Variants in PIK3AP1 observed in about 807,000 individuals in gnomAD.
The protein encoded by PIK3AP1 is phosphoinositide 3-kinase adapter protein 1.
In PIK3AP1, 21 loss-of-function variants were observed where a neutral mutation model predicts 88.1. The ratio of observed to expected loss-of-function variants is 0.24; its 90% CI spans 0.17 to 0.34. The LOEUF (loss-of-function observed/expected upper bound fraction) is 0.34, where lower values mean the gene tolerates loss of function less well. Among genes scored for constraint, PIK3AP1 ranks in the 10% least tolerant of loss-of-function variants. The pLI, the probability that PIK3AP1 is intolerant of heterozygous loss-of-function variation, is 1.00. For missense variants in PIK3AP1, 828 were observed against 1,035.7 expected (o/e 0.80, Z 2.75); for synonymous variants, 398 against 400.0 (o/e 1.00, Z 0.06).
intron 3 of PIK3AP1, among the ~76,000 whole-genome samples, chr10:96,654,114 C>A (rs1204831792): frequency 1.3e-5 from 2 of 152,162 alleles, no homozygotes; most frequent in Non-Finnish European, 2.9e-5. Context: ...GCTCTTCATG[C>A]AGTCCTGGAT....
In PIK3AP1 at chr10:96,720,260, A is replaced by G. The variant is rs914282350; in HGVS notation, c.13+122T>C. 1 of 1,009,378 alleles carries G rather than the reference A, an allele frequency of 9.9e-7. No homozygotes were observed. Among genetic ancestry groups the G allele is most frequent in the Non-Finnish European group, 1.3e-6 (1 of 782,120 alleles). The allele number at this position is 1,009,378 out of a possible 1,614,324, so 62.5% of individuals were successfully genotyped here. ...GACAGGGAACATAGAAAAGAGCAGA[A>G]AGAGGGCAAGATCCCCGCACAGAGG... is the stretch of plus-strand genomic sequence containing the variant. On this transcript the variant is annotated intron_variant, in intron 1 of 16. Transcript: ENST00000339364. This position sits in a 1 kb window ranked among gnomAD's most constrained non-coding sequence, Gnocchi z 4.6.
intron 8 of PIK3AP1, among the ~76,000 whole-genome samples, chr10:96,629,712 T>C (rs1383216256): frequency 2.5e-4 from 1 of 3,970 alleles, no homozygotes; most frequent in Admixed American, 2.9e-3. Flanking sequence ...ACCCCATCTC[T>C]ACAAAAAAAA....
intron 16 of PIK3AP1, among the ~76,000 whole-genome samples, chr10:96,597,301 T>G (rs1848780318): frequency 7.6e-6 from 1 of 131,770 alleles, no homozygotes. Flanking sequence ...CTTCCTTCCT[T>G]CCTTCCTTCC....
chr10:96,705,203 T>C (rs946536374), intron 2 of PIK3AP1, among the ~76,000 whole-genome samples: 6 of 152,200 alleles, frequency 3.9e-5, no homozygotes, highest in African/African-American at 1.4e-4. Flanking sequence ...ATTTCTTCAG[T>C]TGGGAGTCAA....
intron 9 of PIK3AP1, 65 bp downstream of exon 9, chr10:96,628,333 A>C (rs750128202): frequency 8.3e-5 from 112 of 1,356,198 alleles, no homozygotes; most frequent in Non-Finnish European, 9.9e-5. Context: ...ATAGAGAACC[A>C]GACAATGTCT....
At chr10:96,637,091 T>G (rs1843321510) in intron 8 of PIK3AP1, among the ~76,000 whole-genome samples, 2 of 152,062 alleles carry the variant, frequency 1.3e-5, no homozygotes, top group Non-Finnish European at 1.5e-5. Context: ...GCCAAAAGAA[T>G]TTTTTTCTCC....
intron 12 of PIK3AP1, among the ~76,000 whole-genome samples, chr10:96,617,865 C>A (rs534533885): frequency 6.6e-6 from 1 of 152,266 alleles, no homozygotes; most frequent in East Asian, 1.9e-4. Flanking sequence ...GAGCCTGGGG[C>A]ACTCAGGGGG....
At chr10:96,687,255 CAAAAAAAAAA>C (rs59631566) in intron 2 of PIK3AP1, among the ~76,000 whole-genome samples, 4 of 55,306 alleles carry the variant, frequency 7.2e-5, no homozygotes, top group East Asian at 5.5e-4. Context: ...TACTCCATCT[CAAAAAAAAAA>C]AAAAAAAAAA....
intron 2 of PIK3AP1, among the ~76,000 whole-genome samples, chr10:96,663,081 G>C (rs1252963694): frequency 6.6e-6 from 1 of 151,996 alleles, no homozygotes; most frequent in Non-Finnish European, 1.5e-5. Flanking sequence ...TATATGTCCA[G>C]GACAGGCAAA....
chr10:96,603,177 AGTT>A (rs1256204959), intron 15 of PIK3AP1, among the ~76,000 whole-genome samples: 1 of 152,158 alleles, frequency 6.6e-6, no homozygotes, highest in Non-Finnish European at 1.5e-5. Context: ...ATTGAGGTGA[AGTT>A]AACATAAACT....
intron 1 of PIK3AP1, among the ~76,000 whole-genome samples, chr10:96,713,503 TAAAAAAAAAAAAA>T (rs566830672): frequency 0.034 from 2,877 of 84,944 alleles, 63 homozygotes; most frequent in East Asian, 0.12. Context: ...GACTCCGTCT[TAAAAAAAAAAAAA>T]AAAAAAAAAA....
At position 96,632,811 on chromosome 10, in the gene PIK3AP1, T is replaced by C; in HGVS notation, c.1376-4318A>G. 1.3e-5 allele frequency: 20 copies of C among 1,543,830 alleles called. No individual in the cohort carries two copies. In the South Asian group the frequency reaches 2.5e-4, roughly 19 times the overall value. ...AGGTTCCAATTGTGTTTTTCCCACTTCTGGCTGTATTGACTACACATCCAC... is the reference window on the plus strand; with the variant it reads ...AGGTTCCAATTGTGTTTTTCCCACTCCTGGCTGTATTGACTACACATCCAC... On this transcript the variant is annotated intron_variant, in intron 8 of 16. Coordinates refer to ENST00000339364, the MANE Select transcript of PIK3AP1 (RefSeq NM_152309.3).
intron 8 of PIK3AP1, among the ~76,000 whole-genome samples, chr10:96,639,354 C>G (rs1031814553): frequency 6.6e-6 from 1 of 152,144 alleles, no homozygotes; most frequent in Non-Finnish European, 1.5e-5. Flanking sequence ...TGATACAAAG[C>G]TGTAAGACAT....
At chr10:96,715,717 C>G (rs1283489375) in intron 1 of PIK3AP1, among the ~76,000 whole-genome samples, 2 of 151,716 alleles carry the variant, frequency 1.3e-5, no homozygotes, top group Non-Finnish European at 2.9e-5. Flanking sequence ...GGTGAAAACC[C>G]GTCTCTACTA....
intron 2 of PIK3AP1, among the ~76,000 whole-genome samples, chr10:96,687,845 C>G (rs1844095648): frequency 6.6e-6 from 1 of 152,182 alleles, no homozygotes; most frequent in African/African-American, 2.4e-5. Flanking sequence ...TCCGCATGAA[C>G]TGCACATGGA....
At chr10:96,652,611 A>C in intron 4 of PIK3AP1, 87 bp downstream of exon 4, 1 of 1,477,238 alleles carries the variant, frequency 6.8e-7, no homozygotes, top group Non-Finnish European at 9.4e-7. Context: ...ATTTAAGATG[A>C]TAATACCTGG....
chr10:96,620,363 G>A lies in PIK3AP1; in HGVS notation c.1930C>T (p.Arg644Cys), dbSNP rs775458651. The A allele has an allele frequency of 2.5e-6, 4 of 1,613,986 alleles. No homozygotes were observed. The highest frequency in any genetic ancestry group is 2.2e-5 in the East Asian group (1 of 44,892). ...ACGAAGCTAGTTACCTGCTGGAAAC[G>A]AAAGGACTCCGATCGTTTCTTCTGG... ...LNQKKRSESF[R>C]FQQENLKRLR... Residue 644 changes from arginine (R) to cysteine (C), a missense_variant, in exon 12 of 17, where the codon CGT (arginine) becomes TGT (cysteine). By Grantham distance (180) the Arg-to-Cys change is radical (BLOSUM62 -3). This residue lies in a region of PIK3AP1 where 27 missense variants were observed against 67.1 expected (regional missense o/e 0.40). Coordinates refer to ENST00000339364, the MANE Select transcript of PIK3AP1 (RefSeq NM_152309.3).
intron 10 of PIK3AP1, among the ~76,000 whole-genome samples, chr10:96,625,153 G>A (rs1392030636): frequency 6.6e-6 from 1 of 152,168 alleles, no homozygotes; most frequent in Non-Finnish European, 1.5e-5. Flanking sequence ...TTCTCCCACC[G>A]GAGGATGCAA....
intron 6 of PIK3AP1, among the ~76,000 whole-genome samples, chr10:96,650,121 C>A (rs1564970028): frequency 6.6e-6 from 1 of 152,134 alleles, no homozygotes; most frequent in Non-Finnish European, 1.5e-5. Context: ...TTCTTCTAAG[C>A]CCCAAACTTA....
Sources: gnomAD v4.1 joint callset for allele counts (sites outside exome capture counted in the v4.1 genomes callset) on GRCh38, gnomAD v4.1.1 for gene constraint, gnomAD v4.1.1 regional missense constraint, Gnocchi (gnomAD v3.1) non-coding constraint, MANE v1.5 for transcripts, NCBI Gene and HGNC (gene_info 2026-07-23, HGNC 2026-07-21) for gene names.